Variants in METAP1 observed in about 807,000 individuals in gnomAD.
METAP1 encodes the protein methionine aminopeptidase 1.
A neutral mutation model predicts 53.8 loss-of-function variants in METAP1; 28 were observed. The observed-to-expected ratio is 0.52, with a 90% confidence interval of 0.39 to 0.71. The LOEUF (loss-of-function observed/expected upper bound fraction) is 0.71. Among genes scored for constraint, METAP1 ranks in the 30% least tolerant of loss-of-function variants. The probability of loss-of-function intolerance (pLI) is 0.00; values close to 1 mark genes in which losing one functional copy is unlikely to be tolerated. For missense variants in METAP1, 389 were observed against 479.8 expected (o/e 0.81, Z 1.77); for synonymous variants, 181 against 165.7 (o/e 1.09, Z -0.71).
At chr4:99,052,474 G>C (rs1458641999) in intron 9 of METAP1, among the ~76,000 whole-genome samples, 1 of 152,212 alleles carries the variant, frequency 6.6e-6, no homozygotes, top group Non-Finnish European at 1.5e-5. Context: ...CATGGCGGAA[G>C]GCAAAGAGGG....
At chr4:99,052,235 G>T (rs10084896) in intron 9 of METAP1, among the ~76,000 whole-genome samples, 5,815 of 152,256 alleles carry the variant, frequency 0.038, 118 homozygotes, top group African/African-American at 0.062. Flanking sequence ...GTAATCCTCT[G>T]GCTGGTGAAA....
chr4:99,026,321 G>T (rs1724554332), intron 1 of METAP1: 11 of 985,302 alleles, frequency 1.1e-5, no homozygotes, highest in Non-Finnish European at 1.3e-5. Flanking sequence ...AATAAGTGGA[G>T]AATAAAGTAG....
intron 1 of METAP1, 109 bp downstream of exon 1, chr4:98,995,976 T>TC (rs998707515): frequency 2.8e-5 from 24 of 850,216 alleles, no homozygotes; most frequent in Non-Finnish European, 3.7e-5. Context: ...CTCCTCCTCT[T>TC]CCCCCCGGCC....
chr4:99,015,012 TC>T (rs1421312234), intron 1 of METAP1, among the ~76,000 whole-genome samples: 1 of 152,192 alleles, frequency 6.6e-6, no homozygotes, highest in African/African-American at 2.4e-5. Flanking sequence ...TTGGCAAGAT[TC>T]ATCATTCCAG....
intron 1 of METAP1, among the ~76,000 whole-genome samples, chr4:99,009,361 C>T (rs1723354670): frequency 6.6e-6 from 1 of 152,196 alleles, no homozygotes; most frequent in South Asian, 2.1e-4. Context: ...ACCCTGCTTT[C>T]AGTTCTTTTG....
At chr4:99,033,403 T>C (rs1725196405) in intron 2 of METAP1, among the ~76,000 whole-genome samples, 1 of 152,198 alleles carries the variant, frequency 6.6e-6, no homozygotes, top group Non-Finnish European at 1.5e-5. Context: ...TTCCGGCTAC[T>C]TAAAGTCTTA....
chr4:99,057,852 T>C, intron 10 of METAP1, 34 bp downstream of exon 10: 1 of 1,526,886 alleles, frequency 6.5e-7, no homozygotes, highest in Non-Finnish European at 8.9e-7. Context: ...ATTTTTCAAT[T>C]GAATTTATAT....
chr4:99,036,465 T>G (rs1725430828), intron 4 of METAP1, among the ~76,000 whole-genome samples: 7 of 152,140 alleles, frequency 4.6e-5, no homozygotes, highest in African/African-American at 1.7e-4. Context: ...TGTTATGCAG[T>G]GAAAGTAAGT....
chr4:99,054,008 C>T (rs1333218077), intron 9 of METAP1, among the ~76,000 whole-genome samples: 2 of 151,930 alleles, frequency 1.3e-5, no homozygotes, highest in African/African-American at 2.4e-5. Flanking sequence ...GAGTAGATTT[C>T]GCTTCATTCT....
chr4:99,028,857 G>A lies in METAP1; in HGVS notation c.115-10G>A, dbSNP rs1324723973. The A allele has an allele frequency of 1.3e-6, 2 of 1,526,666 alleles. No individual in the cohort carries two copies. Among genetic ancestry groups the A allele is most frequent in the East Asian group, 2.5e-5 (1 of 40,310 alleles). 94.6% of individuals were successfully genotyped at this position (1,526,666 alleles called of 1,614,324 possible). ...GGCCTGACACTAATTTTCCTTTTTT[G>A]TTCTTTTAGGAATGTTTTAAAGGAA... On this transcript the variant is annotated splice_polypyrimidine_tract_variant and intron_variant, in intron 1 of 10. Coordinates refer to ENST00000296411, the MANE Select transcript of METAP1 (RefSeq NM_015143.3).
chr4:99,027,133 A>G (rs1248712037), intron 1 of METAP1, among the ~76,000 whole-genome samples: 1 of 152,256 alleles, frequency 6.6e-6, no homozygotes, highest in African/African-American at 2.4e-5. Flanking sequence ...AATATTAGTT[A>G]ATGATGGCTG....
At chr4:99,015,317 C>A (rs1230755188) in intron 1 of METAP1, among the ~76,000 whole-genome samples, 1 of 151,968 alleles carries the variant, frequency 6.6e-6, no homozygotes, top group Admixed American at 6.6e-5. Context: ...GATTTAAAGC[C>A]GAGACTACTG....
chr4:99,008,225 G>T (rs774221530), intron 1 of METAP1, among the ~76,000 whole-genome samples: 2 of 152,150 alleles, frequency 1.3e-5, no homozygotes, highest in Non-Finnish European at 2.9e-5. Context: ...GACATTCTCT[G>T]CAGGGAAAGG....
At chr4:99,020,070 G>A (rs745854125) in intron 1 of METAP1, among the ~76,000 whole-genome samples, 1 of 152,096 alleles carries the variant, frequency 6.6e-6, no homozygotes, top group Non-Finnish European at 1.5e-5. Context: ...TGTAACATCC[G>A]CTGCCGGAAT....
intron 4 of METAP1, 86 bp downstream of exon 4, chr4:99,035,546 A>AT: frequency 4.0e-6 from 4 of 1,007,156 alleles, no homozygotes; most frequent in Non-Finnish European, 4.5e-6. Flanking sequence ...TCTTGTAGAA[A>AT]TTTTTCAGTG....
intron 1 of METAP1, among the ~76,000 whole-genome samples, chr4:99,008,295 GCTTTA>G (rs1270946062): frequency 2.0e-5 from 3 of 152,292 alleles, no homozygotes; most frequent in East Asian, 1.9e-4. Flanking sequence ...TAGATTAGCA[GCTTTA>G]CTTTAAGGAA....
At chr4:99,034,856 C>T (rs913947838) in intron 3 of METAP1, among the ~76,000 whole-genome samples, 2 of 152,156 alleles carry the variant, frequency 1.3e-5, no homozygotes, top group African/African-American at 2.4e-5. Context: ...TTCTGCCACT[C>T]TTTTGCCTTC....
chr4:98,999,779 A>G (rs747949647), intron 1 of METAP1, among the ~76,000 whole-genome samples: 43 of 151,844 alleles, frequency 2.8e-4, no homozygotes, highest in Non-Finnish European at 5.6e-4. Context: ...CCAAAGTGCT[A>G]GGATTACAGG....
chr4:99,048,690 T>C (rs773656999), intron 8 of METAP1, 43 bp from the exon 9 acceptor site: 35 of 1,592,254 alleles, frequency 2.2e-5, no homozygotes, highest in Non-Finnish European at 3.0e-5. Context: ...GCTTAGTACG[T>C]ATTAGTTATT....
Sources: gnomAD v4.1 joint callset for allele counts (sites outside exome capture counted in the v4.1 genomes callset) on GRCh38, gnomAD v4.1.1 for gene constraint, MANE v1.5 for transcripts, NCBI Gene and HGNC (gene_info 2026-07-23, HGNC 2026-07-21) for gene names.